The following GGACT variants were observed in gnomAD, a reference collection of about 807,000 sequenced individuals.
GGACT encodes the protein gamma-glutamylamine cyclotransferase.
For missense variants in GGACT, 241 were observed against 233.2 expected, an observed-to-expected ratio of 1.03 and a Z score of -0.22; for synonymous variants, 118 against 115.3, an observed-to-expected ratio of 1.02 and a Z score of -0.15.
At chr13:100,536,862 C>G (rs1237490271) in intron 2 of GGACT, 1 of 152,736 alleles carries the variant, frequency 6.5e-6, no homozygotes, top group Admixed American at 6.5e-5. Flanking sequence ...AAGGAACCCG[C>G]CATCCTCTGC....
chr13:100,580,783 C>T (rs558282871), intron 2 of GGACT, among the ~76,000 whole-genome samples: 1 of 152,294 alleles, frequency 6.6e-6, no homozygotes, highest in South Asian at 2.1e-4. Context: ...AGTAGGATCT[C>T]ATTTCAGCCT....
intron 2 of GGACT, among the ~76,000 whole-genome samples, chr13:100,578,310 T>C (rs2153016968): frequency 6.6e-6 from 1 of 152,348 alleles, no homozygotes; most frequent in South Asian, 2.1e-4. Context: ...TTCTACATAA[T>C]GAAAACATCC....
At chr13:100,569,023 A>G (rs1465503751) in intron 2 of GGACT, among the ~76,000 whole-genome samples, 1 of 152,258 alleles carries the variant, frequency 6.6e-6, no homozygotes, top group Non-Finnish European at 1.5e-5. Flanking sequence ...GGCCTTGGGC[A>G]GCTCCGCCCC....
chr13:100,578,570 G>A (rs977947620), intron 2 of GGACT, among the ~76,000 whole-genome samples: 3 of 152,216 alleles, frequency 2.0e-5, no homozygotes, highest in Non-Finnish European at 4.4e-5. Context: ...AAAAGATCCT[G>A]CTGTTCACAA....
intron 2 of GGACT, among the ~76,000 whole-genome samples, chr13:100,544,223 C>G (rs1594185686): frequency 6.6e-6 from 1 of 152,214 alleles, no homozygotes; most frequent in Non-Finnish European, 1.5e-5. Flanking sequence ...GATATAGTTA[C>G]ACATTAATTC....
At chr13:100,556,265 G>T (rs1298522101) in intron 2 of GGACT, among the ~76,000 whole-genome samples, 1 of 152,162 alleles carries the variant, frequency 6.6e-6, no homozygotes, top group African/African-American at 2.4e-5. Flanking sequence ...AACTAATGAG[G>T]TTAGCAAGGT....
At chr13:100,550,231 C>A (rs9513761) in intron 2 of GGACT, among the ~76,000 whole-genome samples, 1 of 151,442 alleles carries the variant, frequency 6.6e-6, no homozygotes, top group Admixed American at 6.6e-5. Flanking sequence ...AGGCATTGAG[C>A]TGGAGGGACT....
At chr13:100,553,577 G>T (rs2088685291) in intron 2 of GGACT, among the ~76,000 whole-genome samples, 1 of 152,172 alleles carries the variant, frequency 6.6e-6, no homozygotes, top group Non-Finnish European at 1.5e-5. Flanking sequence ...CGGGCATGGT[G>T]GCTCACGCCT....
At chr13:100,567,320 G>A (rs1420624414) in intron 2 of GGACT, among the ~76,000 whole-genome samples, 1 of 152,132 alleles carries the variant, frequency 6.6e-6, no homozygotes, top group East Asian at 1.9e-4. Context: ...ATGGACTTAT[G>A]GTTTCCTATT....
At position 100,545,103 on chromosome 13, in the gene GGACT, G is replaced by A. The variant is rs1443872271; in HGVS notation, c.-10-12502C>T. ...CAACACTGGAGATGCCGTCAACCTC[G>A]TCACACAGGGCCAACCTGCAGGCAC... On this transcript the variant is annotated intron_variant, in intron 2 of 2. Coordinates refer to ENST00000683975, the MANE Select transcript of GGACT (RefSeq NM_001195087.2). The surrounding 1 kb of genome is among the most constrained non-coding windows in gnomAD (Gnocchi z 4.4). 6.6e-6 allele frequency among the ~76,000 whole-genome samples: 1 copy of A among 152,220 alleles called. No homozygotes were observed. The highest frequency in any genetic ancestry group is 6.5e-5 in the Admixed American group (1 of 15,286).
At chr13:100,540,959 T>C (rs2088547741) in intron 2 of GGACT, among the ~76,000 whole-genome samples, 1 of 152,246 alleles carries the variant, frequency 6.6e-6, no homozygotes, top group Non-Finnish European at 1.5e-5. Context: ...CACATGTTAC[T>C]GTGTCTTCAA....
chr13:100,563,486 TA>T (rs1314020782), intron 2 of GGACT, among the ~76,000 whole-genome samples: 1 of 152,116 alleles, frequency 6.6e-6, no homozygotes, highest in Non-Finnish European at 1.5e-5. Flanking sequence ...TTTATCTCAA[TA>T]AAAAAACCTC....
At chr13:100,575,253 C>G (rs1247393811) in intron 2 of GGACT, among the ~76,000 whole-genome samples, 1 of 152,148 alleles carries the variant, frequency 6.6e-6, no homozygotes, top group Non-Finnish European at 1.5e-5. Flanking sequence ...GAAGGACCTC[C>G]ATTAGCAATG....
intron 2 of GGACT, among the ~76,000 whole-genome samples, chr13:100,565,140 G>A (rs1470876590): frequency 3.3e-5 from 5 of 152,092 alleles, no homozygotes; most frequent in Non-Finnish European, 5.9e-5. Flanking sequence ...AAGAATTCAC[G>A]GTTCGTCTTG....
chr13:100,574,180 C>T (rs1875183190), intron 2 of GGACT, among the ~76,000 whole-genome samples: 2 of 152,242 alleles, frequency 1.3e-5, no homozygotes, highest in South Asian at 4.1e-4. Flanking sequence ...GGCACATATA[C>T]ACCATGGACT....
chr13:100,548,450 T>G (rs2088628414), intron 2 of GGACT, among the ~76,000 whole-genome samples: 1 of 152,228 alleles, frequency 6.6e-6, no homozygotes, highest in South Asian at 2.1e-4. Context: ...TCTAGGTGGT[T>G]TGCTGACAGA....
intron 1 of GGACT, among the ~76,000 whole-genome samples, chr13:100,584,491 G>T (rs1285532764): frequency 6.6e-6 from 1 of 152,114 alleles, no homozygotes; most frequent in Non-Finnish European, 1.5e-5. Context: ...GGGTAGTAGG[G>T]GGGTTGGGGG....
rs918769868 is a variant in GGACT, at chr13:100,545,504, A to C, written c.-10-12903T>G. Reference sequence around the variant, plus strand: ...AGCCAGTGGCCTGGGCTGCCCTCATACCAGGCTCCAGTCACATCTGCCGTG... The same window carrying C: ...AGCCAGTGGCCTGGGCTGCCCTCATCCCAGGCTCCAGTCACATCTGCCGTG... On this transcript the variant is annotated intron_variant, in intron 2 of 2. Transcript: ENST00000683975. The surrounding 1 kb of genome is among the most constrained non-coding windows in gnomAD (Gnocchi z 4.4). Among the ~76,000 whole-genome samples, 1 of 151,926 alleles carries C rather than the reference A, an allele frequency of 6.6e-6. No homozygotes were observed. Among genetic ancestry groups the C allele is most frequent in the Non-Finnish European group, 1.5e-5 (1 of 67,954 alleles).
chr13:100,568,850 A>G (rs1218519227), intron 2 of GGACT, among the ~76,000 whole-genome samples: 1 of 152,216 alleles, frequency 6.6e-6, no homozygotes, highest in Non-Finnish European at 1.5e-5. Context: ...GGATAAATAA[A>G]CCCATTCCAA....
Sources: allele counts gnomAD v4.1 joint callset (sites outside exome capture counted in the v4.1 genomes callset), GRCh38; gene constraint gnomAD v4.1.1; non-coding constraint Gnocchi (gnomAD v3.1); transcripts MANE v1.5; gene names NCBI Gene and HGNC (gene_info 2026-07-23, HGNC 2026-07-21).